Variants in ADAMTS13 observed in about 807,000 individuals in gnomAD.
ADAMTS13 encodes A disintegrin and metalloproteinase with thrombospondin motifs 13.
A neutral mutation model predicts 155.1 loss-of-function variants in ADAMTS13; 110 were observed. The observed-to-expected ratio is 0.71, with a 90% CI of 0.61 to 0.83. The LOEUF is 0.83. ADAMTS13 is among the 40% of genes least tolerant of loss of function. ADAMTS13 has a pLI of 0.00. For missense variants in ADAMTS13, 1,707 were observed against 1,891.7 expected (o/e 0.90, Z 1.81); for synonymous variants, 758 against 756.4 (o/e 1.00, Z -0.03).
Position 133,430,075 on chromosome 9 carries a change from G to A in ADAMTS13, c.961G>A (p.Ala321Thr), listed in dbSNP as rs782601193. The A allele has an allele frequency of 1.3e-6, 2 of 1,594,108 alleles. No individual in the cohort carries two copies. Among genetic ancestry groups the A allele is most frequent in the South Asian group, 2.2e-5 (2 of 89,612 alleles). Residue 321 changes from alanine (A) to threonine (T), a missense_variant, in exon 8 of 29, where the codon GCC (alanine) becomes ACC (threonine). Ala to Thr is a moderately conservative substitution (Grantham distance 58). Coordinates refer to ENST00000355699, the MANE Select transcript of ADAMTS13 (RefSeq NM_139027.6). ...CGTGGCCTTCGGCCCCAAGGCTGTC[G>A]CCTGCACCTTCGCCAGGGAGCACCT... ...CRVAFGPKAV[A>T]CTFAREHLDM... is the part of the protein sequence containing the mutation.
At chr9:133,419,943 C>T (rs964074824), upstream of ADAMTS13, among the ~76,000 whole-genome samples, 1 of 142,652 alleles carries the variant, frequency 7.0e-6, no homozygotes, top group South Asian at 2.2e-4. Context: ...ATGCTCTTGT[C>T]GCCCAGGCTG....
chr9:133,429,891 G>T (rs1554786617), intron 7 of ADAMTS13, 48 bp from the exon 8 acceptor site: 1 of 1,533,676 alleles, frequency 6.5e-7, no homozygotes, highest in Non-Finnish European at 8.7e-7. Context: ...GCCTCCTCCC[G>T]GTGTACACCC....
rs587613923 is a variant in ADAMTS13, at chr9:133,436,883, G to C, written c.1363G>C (p.Gly455Arg). Residue 455 changes from glycine (G) to arginine (R), a missense_variant, in exon 12 of 29, where the codon GGC (glycine) becomes CGC (arginine). By Grantham distance (125) the Gly-to-Arg change is moderately radical. Transcript: ENST00000355699. Reference protein sequence around the residue: ...FMSQQCARTDGQPLRSSPGGA... With the variant: ...FMSQQCARTDRQPLRSSPGGA... ...GTCGCAACAGTGCGCCAGGACCGAC[G>C]GCCAGCCGCTGCGCTCCTCCCCTGG... 1.2e-5 allele frequency: 19 copies of C among 1,586,974 alleles called. No homozygotes were observed. Among genetic ancestry groups the C allele is most frequent in the Admixed American group, 1.8e-5 (1 of 55,858 alleles).
In ADAMTS13 at chr9:133,435,864, T is replaced by C. The variant is rs1841162628; in HGVS notation, c.1309-965T>C. 2.0e-5 allele frequency among the ~76,000 whole-genome samples: 3 copies of C among 152,216 alleles called. No individual in the cohort carries two copies. The South Asian group carries it at 6.2e-4, about 32-fold the overall frequency. On this transcript the variant is annotated intron_variant, in intron 11 of 28. Coordinates refer to ENST00000355699, the MANE Select transcript of ADAMTS13 (RefSeq NM_139027.6). ...CTTTTAAAGAAACTGCCAAACCGTTTTCCACAGTGCCTGAACTGTTTCACA... is the reference window on the plus strand; with the variant it reads ...CTTTTAAAGAAACTGCCAAACCGTTCTCCACAGTGCCTGAACTGTTTCACA...
chr9:133,450,521 C>T (rs145529472), intron 23 of ADAMTS13, among the ~76,000 whole-genome samples: 163 of 150,102 alleles, frequency 1.1e-3, no homozygotes, highest in Non-Finnish European at 1.7e-3. Context: ...GCCAAGATTA[C>T]GCCACTGGAC....
chr9:133,415,152 AT>A, intron 1 of ADAMTS13: 1 of 688,822 alleles, frequency 1.5e-6, no homozygotes, highest in East Asian at 2.7e-5. Flanking sequence ...ACTGAAATTC[AT>A]TTTCAAACGG....
At chr9:133,417,967 G>A (rs1839778829), upstream of ADAMTS13, 2 of 916,282 alleles carry the variant, frequency 2.2e-6, no homozygotes, top group Non-Finnish European at 3.2e-6. Flanking sequence ...CAGGGACCCC[G>A]TCCAGGAAAA....
At chr9:133,432,898 C>T (rs895167853) in intron 9 of ADAMTS13, among the ~76,000 whole-genome samples, 2 of 151,518 alleles carry the variant, frequency 1.3e-5, no homozygotes, top group Admixed American at 6.6e-5. Context: ...TGTGGGCTGC[C>T]TGTTGTATGG....
intron 6 of ADAMTS13, 121 bp downstream of exon 6, chr9:133,426,466 C>T: frequency 7.4e-7 from 1 of 1,345,770 alleles, no homozygotes; most frequent in Non-Finnish European, 1.0e-6. Context: ...GCCTGTACCC[C>T]TCACCCCGAC....
intron 28 of ADAMTS13, 45 bp from the exon 29 acceptor site, chr9:133,458,925 CTAAT>C (rs1452066811): frequency 1.3e-6 from 2 of 1,544,212 alleles, no homozygotes; most frequent in African/African-American, 1.4e-5. Flanking sequence ...TCCGTGAGTG[CTAAT>C]TATTACTTGT....
chr9:133,445,866 C>A lies in ADAMTS13; in HGVS notation c.2731+47C>A. On this transcript the variant is annotated intron_variant, in intron 21 of 28. Coordinates refer to ENST00000355699, the MANE Select transcript of ADAMTS13 (RefSeq NM_139027.6). This position sits in a 1 kb window ranked among gnomAD's most constrained non-coding sequence, Gnocchi z 5.0. ...CTGGGGACCAGCACTCATGGTAACTCTCCTGTCCACTTGCATCTTGCCTCG... is the reference window on the plus strand; with the variant it reads ...CTGGGGACCAGCACTCATGGTAACTATCCTGTCCACTTGCATCTTGCCTCG... The A allele has an allele frequency of 6.6e-7, 1 of 1,519,936 alleles. No homozygotes were observed. Among genetic ancestry groups the A allele is most frequent in the Non-Finnish European group, 8.8e-7 (1 of 1,132,666 alleles). The allele number at this position is 1,519,936 out of a possible 1,614,324, so 94.2% of individuals were successfully genotyped here.
intron 23 of ADAMTS13, among the ~76,000 whole-genome samples, chr9:133,453,886 G>T (rs1223990431): frequency 6.6e-6 from 1 of 152,100 alleles, no homozygotes; most frequent in Non-Finnish European, 1.5e-5. Context: ...GCGCTGCAGG[G>T]TCATGGGGGA....
At chr9:133,420,686 C>T (rs782676059), upstream of ADAMTS13, among the ~76,000 whole-genome samples, 11 of 152,168 alleles carry the variant, frequency 7.2e-5, no homozygotes, top group East Asian at 3.8e-4. Context: ...TTTCCAGGAA[C>T]GCAGAATGTG....
intron 10 of ADAMTS13, 21 bp from the exon 11 acceptor site, chr9:133,433,620 C>G: frequency 6.2e-7 from 1 of 1,614,020 alleles, no homozygotes; most frequent in South Asian, 1.1e-5. Context: ...TCTCACCCTC[C>G]TGTCTGCTGG....
rs35774276 is a variant in ADAMTS13 at position 133,424,963 on chromosome 9, G to GC, written c.330+491dup. 3.9e-5 allele frequency among the ~76,000 whole-genome samples: 6 copies of GC among 152,278 alleles called. No homozygotes were observed. The East Asian group carries it at 1.2e-3, about 29-fold the overall frequency. On this transcript the variant is annotated intron_variant, in intron 3 of 28. Coordinates refer to ENST00000355699, the MANE Select transcript of ADAMTS13 (RefSeq NM_139027.6). The surrounding 1 kb of genome is among the most constrained non-coding windows in gnomAD (Gnocchi z 4.3). ...TCTTGCTAGCACCTGAATCCCTGCA[G>GC]CCCCCCTTCACTTGAAAGCTGGGGA...
chr9:133,425,786 G>A lies in ADAMTS13; in HGVS notation c.415-152G>A. 1.4e-6 allele frequency: 2 copies of A among 1,449,750 alleles called. No individual in the cohort carries two copies. Among genetic ancestry groups the A allele is most frequent in the Non-Finnish European group, 1.9e-6 (2 of 1,065,564 alleles). The allele number at this position is 1,449,750 out of a possible 1,614,324, so 89.8% of individuals were successfully genotyped here. On this transcript the variant is annotated intron_variant, in intron 4 of 28. Coordinates refer to ENST00000355699, the MANE Select transcript of ADAMTS13 (RefSeq NM_139027.6). The surrounding 1 kb of genome is among the most constrained non-coding windows in gnomAD (Gnocchi z 4.6). ...CTCTACCCAGCACTCAGCACAGGCT[G>A]CCTGACTACTTCTCTGAGCCTCAGT...
upstream of ADAMTS13, chr9:133,417,584 T>C (rs201504589): frequency 1.8e-4 from 284 of 1,602,018 alleles, 2 homozygotes; most frequent in East Asian, 5.2e-3. Flanking sequence ...GGGAATGAGC[T>C]GCGCAGCGCT....
chr9:133,454,306 A>G (rs1842612008), intron 23 of ADAMTS13, 109 bp from the exon 24 acceptor site: 1 of 1,344,554 alleles, frequency 7.4e-7, no homozygotes, highest in Non-Finnish European at 1.1e-6. Flanking sequence ...CTGGCCACGG[A>G]AGCTGTCTAG....
intron 7 of ADAMTS13, chr9:133,429,631 T>A: frequency 2.1e-6 from 1 of 475,540 alleles, no homozygotes; most frequent in East Asian, 4.7e-5. Context: ...CGTACATGTA[T>A]CCCTGCGTCC....
Sources: allele counts gnomAD v4.1 joint callset (sites outside exome capture counted in the v4.1 genomes callset), GRCh38; gene constraint gnomAD v4.1.1; non-coding constraint Gnocchi (gnomAD v3.1); transcripts MANE v1.5; gene names NCBI Gene and HGNC (gene_info 2026-07-23, HGNC 2026-07-21).